The following ESR1 variants were observed in gnomAD, a reference collection of about 807,000 sequenced individuals.
The protein encoded by ESR1 is estrogen receptor 1.
ESR1 carries 12 observed loss-of-function variants against 52.7 expected under a neutral mutation model. The observed-to-expected ratio is 0.23, with a 90% CI of 0.15 to 0.37. The LOEUF is 0.37. Among genes scored for constraint, ESR1 ranks in the 10% least tolerant of loss-of-function variants. The pLI, the probability that ESR1 is intolerant of heterozygous loss-of-function variation, is 1.00. For synonymous variants in ESR1, 305 were observed against 316.8 expected, an observed-to-expected ratio of 0.96 and a Z score of 0.39; for missense variants, 584 against 779.7, an observed-to-expected ratio of 0.75 and a Z score of 2.99.
At chr6:151,687,844 C>T (rs1287062293), upstream of ESR1, among the ~76,000 whole-genome samples, 2 of 152,098 alleles carry the variant, frequency 1.3e-5, no homozygotes, top group Non-Finnish European at 2.9e-5. Flanking sequence ...TAGTGGATAG[C>T]ACGATTTTGA....
chr6:152,024,931 AG>A (rs1397562016), intron 5 of ESR1, among the ~76,000 whole-genome samples: 2 of 151,310 alleles, frequency 1.3e-5, no homozygotes, highest in Non-Finnish European at 3.0e-5. Context: ...CTGCAAATAG[AG>A]ATTGTTATAC....
chr6:151,749,097 T>C (rs893904683), intron 2 of ESR1, among the ~76,000 whole-genome samples: 6 of 151,018 alleles, frequency 4.0e-5, no homozygotes, highest in Non-Finnish European at 8.8e-5. Context: ...TAGAGGCAAG[T>C]ATTATACAAT....
intron 4 of ESR1, among the ~76,000 whole-genome samples, chr6:151,978,876 A>C (rs2039717674): frequency 6.6e-6 from 1 of 152,240 alleles, no homozygotes; most frequent in South Asian, 2.1e-4. Context: ...GTTTCTAGAA[A>C]GGATGTCTGA....
chr6:151,924,833 T>C (rs2032385900), intron 3 of ESR1, among the ~76,000 whole-genome samples: 1 of 152,188 alleles, frequency 6.6e-6, no homozygotes, highest in South Asian at 2.1e-4. Context: ...ATGTACTACA[T>C]TGTTTTTTTT....
chr6:152,125,128 T>G (rs1193012446), intron 6 of ESR1: 3 of 941,658 alleles, frequency 3.2e-6, no homozygotes, highest in East Asian at 5.5e-5. Flanking sequence ...TGCTTCAGAT[T>G]CTACAGTTAA....
chr6:151,877,234 T>G (rs974048044), intron 2 of ESR1, among the ~76,000 whole-genome samples: 31 of 152,300 alleles, frequency 2.0e-4, no homozygotes, highest in African/African-American at 7.0e-4. Flanking sequence ...TAGCATTAGG[T>G]ATATCTCCCG....
chr6:151,829,841 G>C (rs907149793), intron 1 of ESR1, among the ~76,000 whole-genome samples: 4 of 152,178 alleles, frequency 2.6e-5, no homozygotes, highest in African/African-American at 9.7e-5. Context: ...TTTCTGTTCA[G>C]AACTTAAGAG....
chr6:151,899,529 A>G (rs1476867514), intron 3 of ESR1, among the ~76,000 whole-genome samples: 3 of 111,870 alleles, frequency 2.7e-5, no homozygotes, highest in Non-Finnish European at 3.6e-5. Context: ...CGGGGGGCTG[A>G]CCCCCCCACC....
At position 151,961,169 on chromosome 6, in the gene ESR1, T is replaced by C. The variant is rs561673649; in HGVS notation, c.1096+16661T>C. On this transcript the variant is annotated intron_variant, in intron 4 of 7. Coordinates refer to ENST00000206249, the MANE Select transcript of ESR1 (RefSeq NM_000125.4). ...GGGTCCTCAGCATAGAGATGATGAA[T>C]GAGATTAGCAAAGTAGTGAGTGTAA... is the stretch of plus-strand genomic sequence containing the variant. Among the ~76,000 whole-genome samples the C allele has an allele frequency of 7.9e-5, 12 of 151,960 alleles. No homozygotes were observed. In the East Asian group the frequency reaches 2.3e-3, roughly 30 times the overall value.
intron 3 of ESR1, among the ~76,000 whole-genome samples, chr6:151,932,856 G>A (rs1173420664): frequency 6.9e-6 from 1 of 145,186 alleles, no homozygotes; most frequent in Non-Finnish European, 1.5e-5. Flanking sequence ...GGTTACTGTA[G>A]CCTTGTAGTA....
chr6:151,778,484 C>A (rs890638993), intron 2 of ESR1, among the ~76,000 whole-genome samples: 3 of 151,052 alleles, frequency 2.0e-5, no homozygotes, highest in Non-Finnish European at 2.9e-5. Context: ...CGGCTCATTG[C>A]AACCTCCACC....
At chr6:151,906,206 T>A (rs1797427322) in intron 3 of ESR1, among the ~76,000 whole-genome samples, 1 of 152,184 alleles carries the variant, frequency 6.6e-6, no homozygotes, top group Non-Finnish European at 1.5e-5. Flanking sequence ...TAGAGAAGGA[T>A]AAATTCTAAC....
chr6:151,904,776 T>A (rs1285935135), intron 3 of ESR1, among the ~76,000 whole-genome samples: 1 of 152,186 alleles, frequency 6.6e-6, no homozygotes, highest in Non-Finnish European at 1.5e-5. Flanking sequence ...TTCCCCAAAT[T>A]CAATATTGAA....
chr6:151,710,870 G>T (rs933295478), intron 2 of ESR1, among the ~76,000 whole-genome samples: 1 of 152,120 alleles, frequency 6.6e-6, no homozygotes, highest in African/African-American at 2.4e-5. Flanking sequence ...TCCCTACAAA[G>T]GACATGAACT....
chr6:151,878,059 C>T lies in ESR1; in HGVS notation c.644-2596C>T, dbSNP rs540396913. On this transcript the variant is annotated intron_variant, in intron 2 of 7. Transcript: ENST00000206249. ...AAAACTCCTGGTCTCAAACTATCCT[C>T]CCACCTCAGCTTCCTGAAGTACTGG... 2.6e-5 allele frequency among the ~76,000 whole-genome samples: 4 copies of T among 152,166 alleles called. No individual in the cohort carries two copies. In the East Asian group the frequency reaches 7.7e-4, roughly 29 times the overall value.
intron 5 of ESR1, among the ~76,000 whole-genome samples, chr6:152,027,125 C>G (rs2044217474): frequency 6.6e-6 from 1 of 152,074 alleles, no homozygotes; most frequent in African/African-American, 2.4e-5. Flanking sequence ...AGCCACCCCA[C>G]CTGGCTAATT....
At chr6:151,684,973 G>A (rs1778598975) in intron 1 of ESR1, among the ~76,000 whole-genome samples, 2 of 152,182 alleles carry the variant, frequency 1.3e-5, no homozygotes, top group Admixed American at 1.3e-4. Context: ...GTTCTGAGGG[G>A]TTTACAGAGA....
intron 5 of ESR1, among the ~76,000 whole-genome samples, chr6:152,032,910 C>T (rs564490683): frequency 7.2e-5 from 11 of 152,216 alleles, no homozygotes; most frequent in Admixed American, 1.3e-4. Context: ...GCCACAGTAA[C>T]GAAAACAGCA....
At chr6:151,665,645 T>C (rs1372497501) in intron 1 of ESR1, among the ~76,000 whole-genome samples, 3 of 152,050 alleles carry the variant, frequency 2.0e-5, no homozygotes, top group Non-Finnish European at 4.4e-5. Context: ...TCATCATCCC[T>C]CCCTTTCCCA....
Sources: allele counts gnomAD v4.1 joint callset (sites outside exome capture counted in the v4.1 genomes callset), GRCh38; gene constraint gnomAD v4.1.1; transcripts MANE v1.5; gene names NCBI Gene and HGNC (gene_info 2026-07-23, HGNC 2026-07-21).